The following CUL5 variants were observed in gnomAD, a reference collection of about 807,000 sequenced individuals.
CUL5 encodes the protein cullin 5, also known as cullin-5.
CUL5 carries 26 observed loss-of-function variants against 108.8 expected under a neutral mutation model. That is an observed-to-expected ratio of 0.24 (90% CI 0.18 to 0.33). The LOEUF (loss-of-function observed/expected upper bound fraction) is 0.33. CUL5 is among the 10% of genes least tolerant of loss of function. CUL5 has a pLI of 1.00. For missense variants in CUL5, 524 were observed against 909.2 expected (o/e 0.58, Z 5.45); for synonymous variants, 334 against 298.0 (o/e 1.12, Z -1.25).
intron 1 of CUL5, among the ~76,000 whole-genome samples, chr11:108,017,394 A>AAG (rs1477258337): frequency 6.7e-6 from 1 of 149,272 alleles, no homozygotes; most frequent in Non-Finnish European, 1.5e-5. Context: ...TGTCTCAAAA[A>AAG]AAAAAAAAAA....
At chr11:108,027,505 C>T (rs1439274603) in intron 1 of CUL5, among the ~76,000 whole-genome samples, 1 of 152,098 alleles carries the variant, frequency 6.6e-6, no homozygotes, top group East Asian at 1.9e-4. Context: ...CTCCTGATGT[C>T]AAGTCATCCA....
intron 7 of CUL5, among the ~76,000 whole-genome samples, chr11:108,055,285 T>C (rs2135141307): frequency 6.6e-6 from 1 of 152,328 alleles, no homozygotes; most frequent in Non-Finnish European, 1.5e-5. Context: ...GCAAGTAATA[T>C]ATGCTCCCTT....
intron 1 of CUL5, among the ~76,000 whole-genome samples, chr11:108,033,566 G>A (rs1862648971): frequency 6.6e-6 from 1 of 152,158 alleles, no homozygotes; most frequent in Non-Finnish European, 1.5e-5. Flanking sequence ...AGACCAGACT[G>A]TCTCCTTGGA....
intron 7 of CUL5, among the ~76,000 whole-genome samples, chr11:108,064,841 T>A (rs574911259): frequency 6.6e-6 from 1 of 152,156 alleles, no homozygotes; most frequent in Non-Finnish European, 1.5e-5. Flanking sequence ...CTTTTGGTAT[T>A]AGGGCAATAC....
In CUL5 at chr11:108,078,227, T is replaced by C; in HGVS notation, c.1165T>C (p.Leu389=). 6.4e-7 allele frequency: 1 copy of C among 1,573,598 alleles called. No individual in the cohort carries two copies. The highest frequency in any genetic ancestry group is 8.6e-7 in the Non-Finnish European group (1 of 1,156,108). Residue 389 remains leucine, a synonymous_variant, in exon 11 of 19, where the codon TTG becomes CTG. Coordinates refer to ENST00000393094, the MANE Select transcript of CUL5 (RefSeq NM_003478.6). Reference sequence around the variant, plus strand: ...TACCATATTTAAACTTGAATTACCTTTGAAGCAGAAGGGGTAAGTTTTTTA... The same window carrying C: ...TACCATATTTAAACTTGAATTACCTCTGAAGCAGAAGGGGTAAGTTTTTTA... ...DATIFKLELP[L]KQKGVGLKTQ...
intron 1 of CUL5, among the ~76,000 whole-genome samples, chr11:108,025,547 A>T (rs1436399496): frequency 6.6e-6 from 1 of 152,090 alleles, no homozygotes; most frequent in Non-Finnish European, 1.5e-5. Context: ...TAGACTCAAT[A>T]ACTTTCTGTG....
At chr11:108,055,380 T>C (rs542928303) in intron 7 of CUL5, among the ~76,000 whole-genome samples, 8 of 152,282 alleles carry the variant, frequency 5.3e-5, no homozygotes, top group Admixed American at 1.3e-4. Flanking sequence ...AATGAATCAT[T>C]TATTCCTAGG....
At chr11:108,052,851 G>A (rs1863269926) in intron 5 of CUL5, 50 bp downstream of exon 5, 1 of 1,515,954 alleles carries the variant, frequency 6.6e-7, no homozygotes, top group Non-Finnish European at 9.0e-7. Context: ...GGAAATTGTA[G>A]AACAATTATG....
intron 10 of CUL5, among the ~76,000 whole-genome samples, chr11:108,076,449 AC>A (rs1863942901): frequency 6.6e-6 from 1 of 151,366 alleles, no homozygotes; most frequent in East Asian, 1.9e-4. Flanking sequence ...TTTCTTTCCC[AC>A]CCATTTTGCC....
At chr11:108,071,026 G>C (rs189537048) in intron 8 of CUL5, among the ~76,000 whole-genome samples, 12 of 152,248 alleles carry the variant, frequency 7.9e-5, no homozygotes, top group African/African-American at 2.6e-4. Context: ...AGTACCGTGA[G>C]GTAGGGTTTT....
chr11:108,067,365 G>C (rs891428095), intron 7 of CUL5, among the ~76,000 whole-genome samples: 16 of 151,920 alleles, frequency 1.1e-4, no homozygotes, highest in Non-Finnish European at 2.1e-4. Context: ...TAATTATGTT[G>C]TCAATTTAGC....
intron 16 of CUL5, among the ~76,000 whole-genome samples, chr11:108,096,490 T>A (rs974045073): frequency 2.7e-3 from 392 of 146,550 alleles, no homozygotes; most frequent in African/African-American, 8.5e-3. Flanking sequence ...ATCTCAAAAA[T>A]TTTTTTTTTT....
chr11:108,071,104 C>T (rs1307617411), intron 8 of CUL5, among the ~76,000 whole-genome samples: 1 of 152,124 alleles, frequency 6.6e-6, no homozygotes, highest in Admixed American at 6.6e-5. Context: ...TTTATGAATA[C>T]AGTTTTATAT....
chr11:108,051,478 G>A (rs887395530), intron 4 of CUL5, among the ~76,000 whole-genome samples: 2 of 152,136 alleles, frequency 1.3e-5, no homozygotes, highest in Non-Finnish European at 2.9e-5. Flanking sequence ...AAGATTATGA[G>A]GATTAAATGA....
intron 1 of CUL5, among the ~76,000 whole-genome samples, chr11:108,031,379 AAT>A (rs1312462563): frequency 8.5e-4 from 130 of 152,116 alleles, no homozygotes; most frequent in Non-Finnish European, 1.7e-3. Context: ...AAAAAAAAAA[AAT>A]CATGAGTTTC....
chr11:108,057,349 T>G (rs112670832), intron 7 of CUL5, among the ~76,000 whole-genome samples: 8 of 152,238 alleles, frequency 5.3e-5, no homozygotes, highest in African/African-American at 1.9e-4. Flanking sequence ...AAGTTTGAAA[T>G]GAAATAGGAT....
At chr11:108,027,993 A>T (rs747600200) in intron 1 of CUL5, among the ~76,000 whole-genome samples, 16 of 152,160 alleles carry the variant, frequency 1.1e-4, no homozygotes, top group Middle Eastern at 6.8e-3. Context: ...TCCGCCTCTT[A>T]ATGTTGGATA....
chr11:108,031,782 A>G (rs112419456), intron 1 of CUL5, among the ~76,000 whole-genome samples: 2,327 of 152,334 alleles, frequency 0.015, 32 homozygotes, highest in Admixed American at 0.042. Flanking sequence ...ATGCCCATCA[A>G]TGATAGACTG....
At chr11:108,039,548 T>C (rs978611928) in intron 2 of CUL5, among the ~76,000 whole-genome samples, 4 of 152,360 alleles carry the variant, frequency 2.6e-5, no homozygotes, top group South Asian at 2.1e-4. Context: ...ATATTCACAA[T>C]GTTTTGCAAA....
Sources: gnomAD v4.1 joint callset for allele counts (sites outside exome capture counted in the v4.1 genomes callset) on GRCh38, gnomAD v4.1.1 for gene constraint, MANE v1.5 for transcripts, NCBI Gene and HGNC (gene_info 2026-07-23, HGNC 2026-07-21) for gene names.